Variants in MAF observed in about 807,000 individuals in gnomAD.
MAF encodes the protein MAF bZIP transcription factor.
Under a neutral mutation model 22.0 loss-of-function variants are expected in MAF, and 10 were observed. The ratio of observed to expected loss-of-function variants is 0.45; its 90% CI spans 0.28 to 0.77. MAF has a LOEUF of 0.77. MAF is among the 30% of genes least tolerant of loss of function. The pLI is 0.12. For missense variants in MAF, 544 were observed against 548.4 expected, an observed-to-expected ratio of 0.99 and a Z score of 0.08; for synonymous variants, 337 against 255.8, an observed-to-expected ratio of 1.32 and a Z score of -3.03.
downstream of MAF, among the ~76,000 whole-genome samples, chr16:79,590,713 C>T (rs1470609646): frequency 6.6e-6 from 1 of 151,822 alleles, no homozygotes; most frequent in African/African-American, 2.4e-5. Flanking sequence ...TTTGGGGGGA[C>T]TCTGAGAATG....
At chr16:79,553,222 C>G in the MAF span, among the ~76,000 whole-genome samples, 6 of 152,366 alleles carry the variant, frequency 3.9e-5, no homozygotes, top group Middle Eastern at 3.4e-3. Flanking sequence ...TTGAGAATGG[C>G]AGCCGTTCCT....
downstream of MAF, among the ~76,000 whole-genome samples, chr16:79,584,879 A>G (rs149369407): frequency 3.6e-3 from 549 of 152,326 alleles, 2 homozygotes; most frequent in Non-Finnish European, 5.3e-3. Flanking sequence ...AAGTAATCAG[A>G]TACTATTTTT....
chr16:79,474,666 T>C, the MAF span, among the ~76,000 whole-genome samples: 6,325 of 152,188 alleles, frequency 0.042, 453 homozygotes, highest in African/African-American at 0.14. Flanking sequence ...TCTTTTTTTG[T>C]CCCATCTGGA....
At chr16:79,350,073 C>T in the MAF span, among the ~76,000 whole-genome samples, 3 of 152,214 alleles carry the variant, frequency 2.0e-5, no homozygotes, top group Non-Finnish European at 4.4e-5. Context: ...TACATCTCTG[C>T]TCTGGCTTCC....
the MAF span, among the ~76,000 whole-genome samples, chr16:79,343,139 C>T: frequency 3.3e-5 from 5 of 152,154 alleles, no homozygotes; most frequent in Non-Finnish European, 5.9e-5. Flanking sequence ...GCATTCACGT[C>T]CCTTCGGGTG....
At chr16:79,333,962 G>T in the MAF span, among the ~76,000 whole-genome samples, 2 of 152,236 alleles carry the variant, frequency 1.3e-5, no homozygotes, top group African/African-American at 4.8e-5. Flanking sequence ...ACCACGTGTG[G>T]AAACCTATCT....
the MAF span, among the ~76,000 whole-genome samples, chr16:79,417,825 C>T: frequency 1.4e-4 from 22 of 151,840 alleles, no homozygotes; most frequent in Non-Finnish European, 1.2e-4. Context: ...CCAGATAAGA[C>T]GCTGCTGGAG....
chr16:79,367,393 A>T, the MAF span, among the ~76,000 whole-genome samples: 3 of 152,198 alleles, frequency 2.0e-5, no homozygotes, highest in Non-Finnish European at 4.4e-5. Context: ...TGTAGAAATA[A>T]GGAAGCAAGA....
chr16:79,593,859 T>G lies in MAF; in HGVS notation c.*601A>C, dbSNP rs1468063678. The G allele has an allele frequency of 1.1e-5, 2 of 184,546 alleles. No homozygotes were observed. Among genetic ancestry groups the G allele is most frequent in the East Asian group, 8.8e-5 (1 of 11,418 alleles). 11.4% of individuals were successfully genotyped at this position (184,546 alleles called of 1,614,324 possible). A position where few individuals can be genotyped will look rare whatever the true frequency, so the allele number is the denominator to read the frequency against. ...GGTGTGTATTTAACTAACTTTGTAT[T>G]TTGCCACACATTGTTTTCATTTACA... On this transcript the variant is annotated 3_prime_UTR_variant, in exon 2 of 2. Transcript: ENST00000326043.
At chr16:79,304,740 T>A in the MAF span, among the ~76,000 whole-genome samples, 2 of 152,180 alleles carry the variant, frequency 1.3e-5, no homozygotes, top group Non-Finnish European at 2.9e-5. Context: ...AAAGTGCCAT[T>A]TGTAAGCTAG....
At chr16:79,523,568 G>C in the MAF span, among the ~76,000 whole-genome samples, 2 of 152,310 alleles carry the variant, frequency 1.3e-5, no homozygotes, top group East Asian at 3.9e-4. Flanking sequence ...GTAAATGAGA[G>C]ATGCTGGCTG....
chr16:79,337,136 T>C, the MAF span, among the ~76,000 whole-genome samples: 1 of 152,186 alleles, frequency 6.6e-6, no homozygotes, highest in Non-Finnish European at 1.5e-5. Flanking sequence ...ACTGGAAATA[T>C]TTGTTAAGAC....
chr16:79,389,771 T>G, the MAF span, among the ~76,000 whole-genome samples: 10 of 151,502 alleles, frequency 6.6e-5, no homozygotes, highest in East Asian at 1.8e-3. Flanking sequence ...GGTCAAGAAA[T>G]CCAAACCATG....
At chr16:79,306,412 G>C in the MAF span, among the ~76,000 whole-genome samples, 1 of 152,194 alleles carries the variant, frequency 6.6e-6, no homozygotes, top group Non-Finnish European at 1.5e-5. Context: ...AATATGTAAG[G>C]TTTAGTGTAG....
chr16:79,513,474 C>T, the MAF span, among the ~76,000 whole-genome samples: 12 of 152,248 alleles, frequency 7.9e-5, no homozygotes, highest in Non-Finnish European at 1.6e-4. Flanking sequence ...GCACAGCAGA[C>T]GGTCAATGAA....
At chr16:79,488,005 G>C in the MAF span, among the ~76,000 whole-genome samples, 1 of 152,204 alleles carries the variant, frequency 6.6e-6, no homozygotes, top group Non-Finnish European at 1.5e-5. Context: ...ATCTGAAAGG[G>C]ATGTGGTTAC....
the MAF span, among the ~76,000 whole-genome samples, chr16:79,260,463 C>CTATCTA: frequency 0.29 from 41,511 of 145,204 alleles, 6,084 homozygotes; most frequent in Middle Eastern, 0.35. Flanking sequence ...ATGTATCTAT[C>CTATCTA]TATCTATATC....
the MAF span, among the ~76,000 whole-genome samples, chr16:79,373,179 G>C: frequency 2.0e-5 from 3 of 151,952 alleles, no homozygotes; most frequent in Admixed American, 6.6e-5. Context: ...TAGTAGCATA[G>C]GGAACTGCTA....
chr16:79,575,939 T>A, the MAF span, among the ~76,000 whole-genome samples: 1 of 152,068 alleles, frequency 6.6e-6, no homozygotes, highest in Admixed American at 6.6e-5. Flanking sequence ...CTGGATTTTC[T>A]ACAAGAACAG....
Sources: gnomAD v4.1 joint callset for allele counts (sites outside exome capture counted in the v4.1 genomes callset) on GRCh38, gnomAD v4.1.1 for gene constraint, MANE v1.5 for transcripts, NCBI Gene and HGNC (gene_info 2026-07-23, HGNC 2026-07-21) for gene names.